TXNDC5: variants seen among roughly 807,000 people sequenced by gnomAD.
TXNDC5 encodes thioredoxin domain containing 5, also known as thioredoxin domain-containing protein 5.
In TXNDC5, 44 loss-of-function variants were observed where a neutral mutation model predicts 52.6. That is an observed-to-expected ratio of 0.84 (90% CI 0.66 to 1.08). TXNDC5 has a LOEUF of 1.08. TXNDC5 is among the 50% of genes least tolerant of loss of function. TXNDC5 has a pLI of 0.00. For missense variants in TXNDC5, 600 were observed against 565.5 expected (o/e 1.06, Z -0.62); for synonymous variants, 241 against 234.4 (o/e 1.03, Z -0.26).
Position 7,883,524 on chromosome 6 carries a change from C to T in TXNDC5, c.1177-258G>A, listed in dbSNP as rs1158205685. On this transcript the variant is annotated intron_variant, in intron 9 of 9. Transcript: ENST00000379757. ...AGGAACGACTTTACCCTAAAGCAGACGCTTTCAGTCTTTACTGTGCACACG... is the reference window on the plus strand; with the variant it reads ...AGGAACGACTTTACCCTAAAGCAGATGCTTTCAGTCTTTACTGTGCACACG... Among the ~76,000 whole-genome samples, 9 of 152,308 alleles carry T rather than the reference C, an allele frequency of 5.9e-5. 1 individual carries two copies. Among genetic ancestry groups the T allele is most frequent in the African/African-American group, 1.9e-4 (8 of 41,572 alleles).
chr6:7,888,851 G>A lies in TXNDC5; in HGVS notation c.820-3C>T. ...CGCTTTCCCTTGTACTGATCCACCT[G>A]GCCAAGACACGGGCACGCGGCTGAG... On this transcript the variant is annotated splice_region_variant and splice_polypyrimidine_tract_variant and intron_variant, in intron 6 of 9. Coordinates refer to ENST00000379757, the MANE Select transcript of TXNDC5 (RefSeq NM_030810.5). 6.2e-7 allele frequency: 1 copy of A among 1,605,498 alleles called. No individual in the cohort carries two copies. The highest frequency in any genetic ancestry group is 8.5e-7 in the Non-Finnish European group (1 of 1,175,624).
intron 1 of TXNDC5, among the ~76,000 whole-genome samples, chr6:7,905,917 CCTTTT>C (rs2113369241): frequency 6.6e-6 from 1 of 152,302 alleles, no homozygotes; most frequent in African/African-American, 2.4e-5. Flanking sequence ...TGTTAAATCT[CCTTTT>C]ATTTTCTGAC....
At chr6:7,905,105 C>T (rs1391823086) in intron 1 of TXNDC5, among the ~76,000 whole-genome samples, 1 of 152,198 alleles carries the variant, frequency 6.6e-6, no homozygotes, top group East Asian at 1.9e-4. Context: ...TTGGCTTGGC[C>T]CTGGGACACA....
Position 7,883,153 on chromosome 6 carries a change from G to C in TXNDC5, c.1290C>G (p.Asp430Glu). Reference sequence around the variant, plus strand: ...ACCTCCAACTGTGTTCCTAAAGTTCGTCTTTCGCTTGGCTCAGGACAAAGC... The same window carrying C: ...ACCTCCAACTGTGTTCCTAAAGTTCCTCTTTCGCTTGGCTCAGGACAAAGC... ...LHRFVLSQAK[D>E]EL Residue 430 changes from aspartate (D) to glutamate (E), a missense_variant, in exon 10 of 10, where the codon GAC becomes GAG. Coordinates refer to ENST00000379757, the MANE Select transcript of TXNDC5 (RefSeq NM_030810.5). The C allele has an allele frequency of 6.2e-7, 1 of 1,614,092 alleles. No homozygotes were observed. The highest frequency in any genetic ancestry group is 8.5e-7 in the Non-Finnish European group (1 of 1,180,018).
At chr6:7,899,897 G>A (rs1443596640) in intron 2 of TXNDC5, 6 of 402,600 alleles carry the variant, frequency 1.5e-5, no homozygotes, top group Non-Finnish European at 2.2e-5. Flanking sequence ...TTTATTCAAG[G>A]AAAACTAAAA....
chr6:7,888,852 G>T lies in TXNDC5; in HGVS notation c.820-4C>A. ...GCTTTCCCTTGTACTGATCCACCTG[G>T]CCAAGACACGGGCACGCGGCTGAGT... On this transcript the variant is annotated splice_region_variant and splice_polypyrimidine_tract_variant and intron_variant, in intron 6 of 9. Coordinates refer to ENST00000379757, the MANE Select transcript of TXNDC5 (RefSeq NM_030810.5). The T allele has an allele frequency of 6.2e-7, 1 of 1,604,858 alleles. No individual in the cohort carries two copies. Among genetic ancestry groups the T allele is most frequent in the Non-Finnish European group, 8.5e-7 (1 of 1,175,244 alleles).
intron 7 of TXNDC5, among the ~76,000 whole-genome samples, chr6:7,886,717 G>A (rs1759996133): frequency 1.3e-5 from 2 of 152,152 alleles, no homozygotes; most frequent in South Asian, 2.1e-4. Context: ...GTTCTTTACA[G>A]AATGACGTCT....
rs1561816188 is a variant in TXNDC5, at chr6:7,906,557, A to AAAAC, written c.264-1835_264-1834insGTTT. 1.7e-4 allele frequency among the ~76,000 whole-genome samples: 23 copies of AAAAC among 133,516 alleles called. 1 individual carries two copies. Among genetic ancestry groups the AAAAC allele is most frequent in the African/African-American group, 8.2e-4 (23 of 27,980 alleles). 87.6% of individuals were successfully genotyped at this position (133,516 alleles called of 152,430 possible). On this transcript the variant is annotated intron_variant, in intron 1 of 9. Transcript: ENST00000379757. ...TCTCAAAAAAAAAAAAAAAAAAAAA[A>AAAAC]GAAAAACAGACTTAAAGGTAGCACT...
rs890607499 is a variant in TXNDC5, at chr6:7,883,066, C to A, written c.*78G>T. ...TTTCTGAACAGCCACCACTGGGAAC[C>A]CAGTGGCCTCTGTGGGACTGAACTC... is the stretch of plus-strand genomic sequence containing the variant. On this transcript the variant is annotated 3_prime_UTR_variant, in exon 10 of 10. Transcript: ENST00000379757. 14 of 1,597,850 alleles carry A rather than the reference C, an allele frequency of 8.8e-6. No individual in the cohort carries two copies. The African/African-American group carries it at 1.7e-4, about 20-fold the overall frequency.
chr6:7,888,992 G>A (rs562689993), intron 6 of TXNDC5, 144 bp from the exon 7 acceptor site: 11 of 1,075,342 alleles, frequency 1.0e-5, no homozygotes, highest in East Asian at 8.0e-5. Context: ...ATATTTAGAC[G>A]GGAATGTAGA....
At chr6:7,903,925 C>G (rs896436272) in intron 2 of TXNDC5, among the ~76,000 whole-genome samples, 17 of 152,314 alleles carry the variant, frequency 1.1e-4, no homozygotes, top group South Asian at 2.1e-4. Context: ...AGTGGTGGGC[C>G]CTTCTGTGCA....
chr6:7,891,588 T>C (rs754615348), intron 5 of TXNDC5, 33 bp downstream of exon 5: 1 of 1,570,716 alleles, frequency 6.4e-7, no homozygotes, highest in East Asian at 2.2e-5. Flanking sequence ...CCCAAAGCAG[T>C]CCATTTCCAG....
intron 1 of TXNDC5, among the ~76,000 whole-genome samples, chr6:7,907,141 G>A (rs1760762673): frequency 6.7e-6 from 1 of 149,226 alleles, no homozygotes; most frequent in South Asian, 2.1e-4. Context: ...ACAAGGTTTT[G>A]TTTTGCTACT....
intron 1 of TXNDC5, 111 bp downstream of exon 1, chr6:7,910,403 A>C: frequency 8.8e-7 from 1 of 1,141,974 alleles, no homozygotes; most frequent in Non-Finnish European, 1.1e-6. Context: ...GCCGCAGACC[A>C]GAGCCGTCGG....
chr6:7,884,881 G>T (rs951252980), intron 8 of TXNDC5, among the ~76,000 whole-genome samples: 5 of 152,096 alleles, frequency 3.3e-5, no homozygotes, highest in African/African-American at 1.2e-4. Context: ...TTTTAGATTT[G>T]ATTGCTTATG....
chr6:7,888,916 G>A, intron 6 of TXNDC5, 68 bp from the exon 7 acceptor site: 1 of 1,516,782 alleles, frequency 6.6e-7, no homozygotes. Context: ...AAGCCTTCCT[G>A]CAACCCCTGC....
intron 7 of TXNDC5, among the ~76,000 whole-genome samples, chr6:7,887,847 A>C (rs1169287945): frequency 1.3e-5 from 2 of 152,050 alleles, no homozygotes; most frequent in Non-Finnish European, 2.9e-5. Flanking sequence ...ATGCCGGCTG[A>C]TTCTCGGGTT....
intron 3 of TXNDC5, among the ~76,000 whole-genome samples, chr6:7,897,246 CA>C (rs1366835601): frequency 6.6e-6 from 1 of 151,914 alleles, no homozygotes; most frequent in Non-Finnish European, 1.5e-5. Context: ...AATACAGAAG[CA>C]AACATGGAAA....
chr6:7,889,651 A>C, intron 5 of TXNDC5, 70 bp from the exon 6 acceptor site: 3 of 1,168,956 alleles, frequency 2.6e-6, no homozygotes, highest in Non-Finnish European at 3.8e-6. Flanking sequence ...GGGCTACTGG[A>C]CACTTTGTAC....
Sources: gnomAD v4.1 joint callset for allele counts (sites outside exome capture counted in the v4.1 genomes callset) on GRCh38, gnomAD v4.1.1 for gene constraint, MANE v1.5 for transcripts, NCBI Gene and HGNC (gene_info 2026-07-23, HGNC 2026-07-21) for gene names.